Variants in URB1 observed in about 807,000 individuals in gnomAD.
URB1 encodes URB1 ribosome biogenesis factor.
A neutral mutation model predicts 242.3 loss-of-function variants in URB1; 197 were observed. The observed-to-expected ratio is 0.81, with a 90% CI of 0.72 to 0.91. The LOEUF is 0.91. Among genes scored for constraint, URB1 ranks in the 40% least tolerant of loss-of-function variants. The pLI, the probability that URB1 is intolerant of heterozygous loss-of-function variation, is 0.00. For missense variants in URB1, 2,721 were observed against 2,860.5 expected (o/e 0.95, Z 1.11); for synonymous variants, 1,153 against 1,201.8 (o/e 0.96, Z 0.84).
In URB1 at chr21:32,314,396, G is replaced by T; in HGVS notation, c.*522C>A. Reference sequence around the variant, plus strand: ...GATGGGGTTTCACCATGTTGGGAAGGCTGGTTTCGAACTCCTGACCTCAGG... The same window carrying T: ...GATGGGGTTTCACCATGTTGGGAAGTCTGGTTTCGAACTCCTGACCTCAGG... On this transcript the variant is annotated 3_prime_UTR_variant, in exon 39 of 39. Transcript: ENST00000382751. 1 of 641,480 alleles carries T rather than the reference G, an allele frequency of 1.6e-6. No homozygotes were observed. Among genetic ancestry groups the T allele is most frequent in the Non-Finnish European group, 2.9e-6 (1 of 347,168 alleles). The allele number at this position is 641,480 out of a possible 1,614,324, so 39.7% of individuals were successfully genotyped here. A position where few individuals can be genotyped will look rare whatever the true frequency, so the allele number is the denominator to read the frequency against.
In URB1 at chr21:32,345,580, G is replaced by A; in HGVS notation, c.3869-5C>T. ...CAGGAATGACAGCGGAAGACACTAG[G>A]GCAGAGATACAAAGGAGAAGTCATC... On this transcript the variant is annotated splice_region_variant and splice_polypyrimidine_tract_variant and intron_variant, in intron 22 of 38. Transcript: ENST00000382751. 1 of 1,530,750 alleles carries A rather than the reference G, an allele frequency of 6.5e-7. No homozygotes were observed. Among genetic ancestry groups the A allele is most frequent in the Non-Finnish European group, 8.8e-7 (1 of 1,130,904 alleles). The allele number at this position is 1,530,750 out of a possible 1,614,324, so 94.8% of individuals were successfully genotyped here. A position where few individuals can be genotyped will look rare whatever the true frequency, so the allele number is the denominator to read the frequency against.
rs1252455648 is a variant in URB1 at position 32,319,249 on chromosome 21, A to T, written c.5760T>A (p.Leu1920=). ...RLALHLVNEF[L]YVLIVLMKHL... is the part of the protein sequence containing the mutation. The stretch of plus-strand genomic sequence containing the variant: ...GCTTCATGAGCACGATGAGAACATA[A>T]AGGAACTCATTGACCAGGTGCAGGG... The change falls in exon 36 of 39, where the codon CTT becomes CTA. Residue 1920 remains leucine, a synonymous_variant. Transcript: ENST00000382751. 5.2e-6 allele frequency: 8 copies of T among 1,550,920 alleles called. No individual in the cohort carries two copies. Among genetic ancestry groups the T allele is most frequent in the Non-Finnish European group, 7.0e-6 (8 of 1,146,740 alleles).
chr21:32,333,265 C>G, intron 30 of URB1, 52 bp downstream of exon 30: 1 of 1,427,848 alleles, frequency 7.0e-7, no homozygotes, highest in Non-Finnish European at 9.7e-7. Flanking sequence ...TCAACCTGAC[C>G]TCTGAGAAGT....
chr21:32,358,859 A>G (rs2033253429), intron 14 of URB1, among the ~76,000 whole-genome samples: 1 of 152,048 alleles, frequency 6.6e-6, no homozygotes, highest in Non-Finnish European at 1.5e-5. Flanking sequence ...TGGACCCACC[A>G]CTCATGGACA....
At chr21:32,320,426 T>G in intron 35 of URB1, 105 bp downstream of exon 35, 1 of 861,944 alleles carries the variant, frequency 1.2e-6, no homozygotes, top group Admixed American at 2.6e-5. Context: ...AGAGCATGGA[T>G]TTTACTGGAC....
chr21:32,340,036 A>G (rs1329221055), intron 25 of URB1, among the ~76,000 whole-genome samples: 1 of 152,222 alleles, frequency 6.6e-6, no homozygotes, highest in Non-Finnish European at 1.5e-5. Context: ...CGCTCTAAAG[A>G]AAGTGTTTTT....
chr21:32,351,748 C>T (rs536154523), intron 19 of URB1, among the ~76,000 whole-genome samples: 2 of 152,308 alleles, frequency 1.3e-5, no homozygotes, highest in East Asian at 1.9e-4. Flanking sequence ...CAAGCAACCA[C>T]GAGGGGCAGG....
chr21:32,311,531 T>G lies in URB1; in HGVS notation c.*3387A>C. 26 of 1,107,394 alleles carry G rather than the reference T, an allele frequency of 2.3e-5. No homozygotes were observed. Among genetic ancestry groups the G allele is most frequent in the Non-Finnish European group, 3.1e-5 (24 of 783,864 alleles). The allele number at this position is 1,107,394 out of a possible 1,614,324, so 68.6% of individuals were successfully genotyped here. A position where few individuals can be genotyped will look rare whatever the true frequency, so the allele number is the denominator to read the frequency against. On this transcript the variant is annotated 3_prime_UTR_variant, in exon 39 of 39. Transcript: ENST00000382751. ...GATTTCTCTAGAATGGCCACCTTTGTGAGCTGGCTGACCCTTCTCAGGAAT... is the reference window on the plus strand; with the variant it reads ...GATTTCTCTAGAATGGCCACCTTTGGGAGCTGGCTGACCCTTCTCAGGAAT...
At chr21:32,355,606 C>T (rs1250796772) in intron 15 of URB1, 41 bp from the exon 16 acceptor site, 16 of 1,485,026 alleles carry the variant, frequency 1.1e-5, no homozygotes, top group Admixed American at 3.9e-5. Flanking sequence ...CAGAACAGAA[C>T]GCGCTTTCTT....
chr21:32,389,275 G>C (rs2033614565), intron 1 of URB1, among the ~76,000 whole-genome samples: 1 of 152,156 alleles, frequency 6.6e-6, no homozygotes, highest in African/African-American at 2.4e-5. Flanking sequence ...TGAGTGAGTG[G>C]GGGAGGGCAG....
chr21:32,372,449 T>G lies in URB1; in HGVS notation c.1001+58A>C, dbSNP rs981050605. The G allele has an allele frequency of 1.1e-5, 17 of 1,524,810 alleles. No individual in the cohort carries two copies. In the African/African-American group the frequency reaches 2.4e-4, roughly 21 times the overall value. The allele number at this position is 1,524,810 out of a possible 1,614,324, so 94.5% of individuals were successfully genotyped here. A position where few individuals can be genotyped will look rare whatever the true frequency, so the allele number is the denominator to read the frequency against. On this transcript the variant is annotated intron_variant, in intron 8 of 38. Coordinates refer to ENST00000382751, the MANE Select transcript of URB1 (RefSeq NM_014825.3). ...TACAGTTCCACTAGACACTCACATA[T>G]GTGGTGACTTCTGAGGAACATACAC...
chr21:32,361,879 C>G lies in URB1; in HGVS notation c.1639+13G>C. Reference sequence around the variant, plus strand: ...CAAAAGGCAGAGGGTCCCCCTCACCCCTGAGACCTTACCGCACTGGTGAGC... The same window carrying G: ...CAAAAGGCAGAGGGTCCCCCTCACCGCTGAGACCTTACCGCACTGGTGAGC... On this transcript the variant is annotated intron_variant, in intron 12 of 38. Coordinates refer to ENST00000382751, the MANE Select transcript of URB1 (RefSeq NM_014825.3). 6.5e-7 allele frequency: 1 copy of G among 1,550,356 alleles called. No homozygotes were observed. The highest frequency in any genetic ancestry group is 8.7e-7 in the Non-Finnish European group (1 of 1,146,628).
intron 14 of URB1, among the ~76,000 whole-genome samples, 152 bp downstream of exon 14, chr21:32,359,644 A>C (rs982368706): frequency 1.3e-5 from 2 of 152,110 alleles, no homozygotes; most frequent in African/African-American, 4.8e-5. Flanking sequence ...ATGAATCAGG[A>C]CCTCTGCTGT....
At position 32,312,276 on chromosome 21, in the gene URB1, A is replaced by C. The variant is rs1411819746; in HGVS notation, c.*2642T>G. ...AAGAGTAGGAAAATAAAATATATGC[A>C]AATCAAGAGGAAAAGCTGTTTGCTT... On this transcript the variant is annotated 3_prime_UTR_variant, in exon 39 of 39. Coordinates refer to ENST00000382751, the MANE Select transcript of URB1 (RefSeq NM_014825.3). The C allele has an allele frequency of 8.7e-6, 12 of 1,376,486 alleles. No homozygotes were observed. The highest frequency in any genetic ancestry group is 1.1e-5 in the Non-Finnish European group (12 of 1,062,910). 85.3% of individuals were successfully genotyped at this position (1,376,486 alleles called of 1,614,324 possible).
At position 32,361,134 on chromosome 21, in the gene URB1, A is replaced by T; in HGVS notation, c.1640-11T>A. On this transcript the variant is annotated splice_polypyrimidine_tract_variant and intron_variant, in intron 12 of 38. Coordinates refer to ENST00000382751, the MANE Select transcript of URB1 (RefSeq NM_014825.3). ...TGGTTTCTGCATCATCTGCACAAAA[A>T]AAAGAAAAAGAAAGAAAAAGAGAAA... is the stretch of plus-strand genomic sequence containing the variant. 7.1e-7 allele frequency: 1 copy of T among 1,408,918 alleles called. No homozygotes were observed. The highest frequency in any genetic ancestry group is 9.6e-7 in the Non-Finnish European group (1 of 1,044,012). The allele number at this position is 1,408,918 out of a possible 1,614,324, so 87.3% of individuals were successfully genotyped here. A position where few individuals can be genotyped will look rare whatever the true frequency, so the allele number is the denominator to read the frequency against.
chr21:32,332,321 C>A (rs1012573563), intron 30 of URB1, among the ~76,000 whole-genome samples: 4 of 151,526 alleles, frequency 2.6e-5, no homozygotes, highest in Non-Finnish European at 5.9e-5. Flanking sequence ...TGGGCTTCAT[C>A]AAAATTAAAA....
At chr21:32,335,325 G>C (rs1451784353) in intron 28 of URB1, 1 of 152,574 alleles carries the variant, frequency 6.6e-6, no homozygotes, top group Non-Finnish European at 1.5e-5. Flanking sequence ...TGCCAACCCT[G>C]GCACGAATCG....
intron 13 of URB1, among the ~76,000 whole-genome samples, chr21:32,360,312 C>T (rs2033269063): frequency 6.6e-6 from 1 of 152,192 alleles, no homozygotes; most frequent in Non-Finnish European, 1.5e-5. Context: ...GGGTTCTCAT[C>T]CTCTAGCCGG....
chr21:32,320,250 C>A (rs562306382), intron 35 of URB1, among the ~76,000 whole-genome samples: 1 of 152,250 alleles, frequency 6.6e-6, no homozygotes, highest in Non-Finnish European at 1.5e-5. Flanking sequence ...CAGAGCCAGA[C>A]AGGCTGGCGG....
Sources: gnomAD v4.1 joint callset for allele counts (sites outside exome capture counted in the v4.1 genomes callset) on GRCh38, gnomAD v4.1.1 for gene constraint, MANE v1.5 for transcripts, NCBI Gene and HGNC (gene_info 2026-07-23, HGNC 2026-07-21) for gene names.